The following PABIR2 variants were observed in gnomAD, a reference collection of about 807,000 sequenced individuals.
PABIR2 encodes the protein family with sequence similarity 122B.
PABIR2 carries 7 observed loss-of-function variants against 22.8 expected under a neutral mutation model. The observed-to-expected ratio is 0.31, with a 90% CI of 0.17 to 0.58. PABIR2 has a LOEUF of 0.58. Ranked by LOEUF, PABIR2 falls within the 20% of genes least tolerant of loss-of-function variation. The pLI is 0.89. For synonymous variants in PABIR2, 67 were observed against 73.8 expected, an observed-to-expected ratio of 0.91 and a Z score of 0.47; for missense variants, 155 against 205.1, an observed-to-expected ratio of 0.76 and a Z score of 1.49.
In PABIR2 at chrX:134,785,446, A is replaced by AT. The variant is rs778945054; in HGVS notation, c.562+439dup. On this transcript the variant is annotated intron_variant, in intron 8 of 9. Transcript: ENST00000343004. ...TACTGTGAAATGATGATCACAGTCA[A>AT]TTTTTTTTTTTTTGAGATGGAGTGT... 2.6e-3 allele frequency among the ~76,000 whole-genome samples: 267 copies of AT among 104,197 alleles called. 9 individuals are homozygous for AT. The East Asian group carries it at 0.028, about 11-fold the overall frequency. The allele number at this position is 104,197 out of a possible 115,157, so 90.5% of individuals were successfully genotyped here.
chrX:134,787,607 T>TTTA, intron 6 of PABIR2, 74 bp from the exon 7 acceptor site: 8 of 768,216 alleles, frequency 1.0e-5, no homozygotes, highest in Non-Finnish European at 1.3e-5. Flanking sequence ...TCCAGTTTTC[T>TTTA]TTCTTTTTTT....
rs1346934625 is a variant in PABIR2, at chrX:134,782,232, C to T, written c.563-315G>A. ...TGACCACAGTAGAGATAAGGAATTC[C>T]CAAATAACTGAAACTCACAGTCAAT... On this transcript the variant is annotated intron_variant, in intron 8 of 9. Coordinates refer to ENST00000343004, the MANE Select transcript of PABIR2 (RefSeq NM_001387468.1). Among the ~76,000 whole-genome samples the T allele has an allele frequency of 3.6e-5, 4 of 111,618 alleles. No individual in the cohort carries two copies. The Admixed American group carries it at 3.8e-4, about 11-fold the overall frequency.
At chrX:134,778,074 G>A (rs1378414102) in intron 9 of PABIR2, among the ~76,000 whole-genome samples, 2 of 103,035 alleles carry the variant, frequency 1.9e-5, no homozygotes, top group African/African-American at 7.0e-5. Context: ...TGTACTTTTA[G>A]TAGAGACGGG....
chrX:134,793,723 A>G, intron 2 of PABIR2, 92 bp downstream of exon 2: 1 of 997,575 alleles, frequency 1.0e-6, no homozygotes, highest in South Asian at 2.0e-5. Flanking sequence ...TTTCTTAAAC[A>G]ATTGTGCATA....
At position 134,770,031 on chromosome X, in the gene PABIR2, A is replaced by G. The variant is rs1448318397; in HGVS notation, c.*2108T>C. 2 of 112,208 alleles carry G rather than the reference A, an allele frequency of 1.8e-5. No homozygotes were observed. Among genetic ancestry groups the G allele is most frequent in the African/African-American group, 6.5e-5 (2 of 30,847 alleles). The allele number at this position is 112,208 out of a possible 1,213,427, so 9.2% of individuals were successfully genotyped here. A position where few individuals can be genotyped will look rare whatever the true frequency, so the allele number is the denominator to read the frequency against. ...CCATTGGAACAACTTCCATTTCCTG[A>G]CCTAATTCTATCCCACCATTGAATT... is the stretch of plus-strand genomic sequence containing the variant. On this transcript the variant is annotated 3_prime_UTR_variant, in exon 10 of 10. Transcript: ENST00000343004.
In PABIR2 at chrX:134,771,771, T is replaced by C; in HGVS notation, c.*368A>G. 4 of 811,441 alleles carry C rather than the reference T, an allele frequency of 4.9e-6. No homozygotes were observed. The highest frequency in any genetic ancestry group is 5.9e-6 in the Non-Finnish European group (4 of 677,458). The allele number at this position is 811,441 out of a possible 1,213,427, so 66.9% of individuals were successfully genotyped here. On this transcript the variant is annotated 3_prime_UTR_variant, in exon 10 of 10. Coordinates refer to ENST00000343004, the MANE Select transcript of PABIR2 (RefSeq NM_001387468.1). ...GCAAGAGAATTTCTGATCAAATCTG[T>C]CATATCACTGCTGCGGAAAAGGACC...
At chrX:134,791,399 G>A (rs2079544722) in intron 2 of PABIR2, among the ~76,000 whole-genome samples, 1 of 110,402 alleles carries the variant, frequency 9.1e-6, no homozygotes, top group Non-Finnish European at 1.9e-5. Context: ...CAGAAATGAG[G>A]AGACAAGGAA....
At chrX:134,789,389 C>T in intron 3 of PABIR2, 123 bp from the exon 4 acceptor site, 1 of 944,876 alleles carries the variant, frequency 1.1e-6, no homozygotes, top group Non-Finnish European at 1.5e-6. Flanking sequence ...ACTTTTTCTA[C>T]CTCATTGACA....
At position 134,771,513 on chromosome X, in the gene PABIR2, C is replaced by T. The variant is rs1380710367; in HGVS notation, c.*626G>A. On this transcript the variant is annotated 3_prime_UTR_variant, in exon 10 of 10. Transcript: ENST00000343004. ...AGCACTAAAATCAATGCTCACTTCA[C>T]ACACCCCAACAGCAAAGAAGCAATA... The T allele has an allele frequency of 9.8e-7, 1 of 1,015,399 alleles. No individual in the cohort carries two copies. The highest frequency in any genetic ancestry group is 1.2e-6 in the Non-Finnish European group (1 of 804,577). The allele number at this position is 1,015,399 out of a possible 1,213,427, so 83.7% of individuals were successfully genotyped here.
chrX:134,785,988 T>A (rs1213454349), intron 7 of PABIR2, 38 bp from the exon 8 acceptor site: 2 of 1,154,065 alleles, frequency 1.7e-6, no homozygotes, highest in Non-Finnish European at 1.2e-6. Flanking sequence ...GTGAAGAACA[T>A]CCACGATGCA....
intron 4 of PABIR2, 28 bp downstream of exon 4, chrX:134,789,195 C>CTAGG (rs757069116): frequency 6.6e-6 from 8 of 1,210,603 alleles, no homozygotes; most frequent in Non-Finnish European, 7.8e-6. Flanking sequence ...ACTTATTAGG[C>CTAGG]TAGGCCCTGC....
chrX:134,787,094 ATCT>A (rs1413806158), intron 7 of PABIR2, among the ~76,000 whole-genome samples: 36 of 108,579 alleles, frequency 3.3e-4, no homozygotes, highest in Non-Finnish European at 4.8e-4. Flanking sequence ...AAAAGAGTTA[ATCT>A]TCTTTTTTTT....
intron 9 of PABIR2, among the ~76,000 whole-genome samples, chrX:134,779,868 C>A (rs1338426839): frequency 8.9e-6 from 1 of 112,359 alleles, no homozygotes; most frequent in Non-Finnish European, 1.9e-5. Context: ...GCACTTTCCA[C>A]TAAGGATAGA....
intron 1 of PABIR2, among the ~76,000 whole-genome samples, chrX:134,794,836 G>T (rs768096764): frequency 3.6e-5 from 4 of 111,759 alleles, no homozygotes; most frequent in Admixed American, 2.8e-4. Context: ...GCCTCAGAAA[G>T]GTTAAATGAC....
At chrX:134,787,372 T>C (rs1247484057) in intron 7 of PABIR2, 100 bp downstream of exon 7, 6 of 828,195 alleles carry the variant, frequency 7.2e-6, no homozygotes, top group Non-Finnish European at 1.1e-5. Flanking sequence ...AGTGCTAGGA[T>C]TACAGGTGTG....
rs187276426 is a variant in PABIR2, at chrX:134,771,735, A to T, written c.*404T>A. 6.5e-4 allele frequency: 516 copies of T among 796,948 alleles called. 7 individuals carry two copies. In the Admixed American group the frequency reaches 0.036, roughly 55 times the overall value. The allele number at this position is 796,948 out of a possible 1,213,427, so 65.7% of individuals were successfully genotyped here. ...TATGTAGTCAACAGAGGACAAAAAA[A>T]AATCTCTCAAGCAAGAGAATTTCTG... On this transcript the variant is annotated 3_prime_UTR_variant, in exon 10 of 10. Coordinates refer to ENST00000343004, the MANE Select transcript of PABIR2 (RefSeq NM_001387468.1).
intron 9 of PABIR2, 49 bp downstream of exon 9, chrX:134,781,771 TA>T: frequency 1.1e-6 from 1 of 909,959 alleles, no homozygotes; most frequent in South Asian, 3.3e-5. Context: ...GTGGCTCTTT[TA>T]AAATGGATTA....
At chrX:134,792,946 T>C (rs1264146171) in intron 2 of PABIR2, among the ~76,000 whole-genome samples, 10 of 112,340 alleles carry the variant, frequency 8.9e-5, no homozygotes, top group African/African-American at 3.2e-4. Flanking sequence ...TTAGCCCTTA[T>C]ACTAATTAGC....
intron 4 of PABIR2, 36 bp downstream of exon 4, chrX:134,789,187 T>C (rs778964213): frequency 5.0e-6 from 6 of 1,212,016 alleles, no homozygotes; most frequent in Non-Finnish European, 6.7e-6. Context: ...AACAAGACAC[T>C]TATTAGGCTA....
Sources: allele counts gnomAD v4.1 joint callset (sites outside exome capture counted in the v4.1 genomes callset), GRCh38; gene constraint gnomAD v4.1.1; transcripts MANE v1.5; gene names NCBI Gene and HGNC (gene_info 2026-07-23, HGNC 2026-07-21).